ZNF829: variants seen among roughly 807,000 people sequenced by gnomAD.
ZNF829 encodes zinc finger protein 829.
In ZNF829, 25 loss-of-function variants were observed where a neutral mutation model predicts 35.2. The observed-to-expected ratio is 0.71, with a 90% CI of 0.52 to 0.99. The LOEUF (loss-of-function observed/expected upper bound fraction) is 0.99, where lower values mean the gene tolerates loss of function less well. Among genes scored for constraint, ZNF829 ranks in the 50% least tolerant of loss-of-function variants. The pLI, the probability that ZNF829 is intolerant of heterozygous loss-of-function variation, is 0.00. For missense variants in ZNF829, 417 were observed against 515.3 expected, an observed-to-expected ratio of 0.81 and a Z score of 1.85; for synonymous variants, 136 against 163.2, an observed-to-expected ratio of 0.83 and a Z score of 1.27.
At chr19:36,894,597 TATC>T (rs1356383540) in intron 5 of ZNF829, among the ~76,000 whole-genome samples, 1 of 151,834 alleles carries the variant, frequency 6.6e-6, no homozygotes, top group African/African-American at 2.4e-5. Context: ...AGCAGATAGA[TATC>T]ATGAAAAAGA....
intron 5 of ZNF829, among the ~76,000 whole-genome samples, chr19:36,898,312 G>A (rs1444609493): frequency 6.6e-6 from 1 of 152,010 alleles, no homozygotes; most frequent in Non-Finnish European, 1.5e-5. Flanking sequence ...AAAGACCTCT[G>A]TAAGGAAAAC....
intron 5 of ZNF829, among the ~76,000 whole-genome samples, chr19:36,902,879 T>C (rs1252692416): frequency 6.6e-6 from 1 of 151,764 alleles, no homozygotes; most frequent in African/African-American, 2.4e-5. Context: ...CTACTAAAAA[T>C]ACAAAAATTA....
At position 36,916,211 on chromosome 19, in the gene ZNF829, C is replaced by T. The variant is rs562516479; in HGVS notation, c.-285G>A. The T allele has an allele frequency of 3.2e-5, 14 of 444,308 alleles. No individual in the cohort carries two copies. Among genetic ancestry groups the T allele is most frequent in the Non-Finnish European group, 5.2e-5 (13 of 248,946 alleles). The allele number at this position is 444,308 out of a possible 1,614,324, so 27.5% of individuals were successfully genotyped here. A position where few individuals can be genotyped will look rare whatever the true frequency, so the allele number is the denominator to read the frequency against. On this transcript the variant is annotated 5_prime_UTR_variant, in exon 1 of 6. Transcript: ENST00000391711. The surrounding 1 kb of genome is among the most constrained non-coding windows in gnomAD (Gnocchi z 5.3). ...GCCGAGCCTCGGAGTTGCGGGTCGC[C>T]GTAGCGCTGCGCAATGGAGATGAGC...
intron 3 of ZNF829, among the ~76,000 whole-genome samples, chr19:36,909,940 A>C (rs75621903): frequency 0.017 from 2,620 of 152,240 alleles, 40 homozygotes; most frequent in Middle Eastern, 0.051. Context: ...AATATGTATC[A>C]AAAAATAGCA....
At chr19:36,909,667 C>T (rs554637690) in intron 3 of ZNF829, among the ~76,000 whole-genome samples, 161 of 151,978 alleles carry the variant, frequency 1.1e-3, no homozygotes, top group African/African-American at 3.6e-3. Flanking sequence ...ATTAGCTGGG[C>T]GTGGTGGTGC....
At position 36,892,317 on chromosome 19, in the gene ZNF829, AC is replaced by A. The variant is rs751504630; in HGVS notation, c.473del (p.Cys158LeufsTer130). The A allele has an allele frequency of 6.2e-7, 1 of 1,613,846 alleles. No individual in the cohort carries two copies. ...GATTAAAGGTCTTTCCACATATCTT[AC>A]ATTCCCATGGTTTCTCTTCACTCAT... ...KTMSEEKPWE[C>X]KICGKTFNQN... On this transcript the variant is annotated frameshift_variant, in exon 6 of 6. Transcript: ENST00000391711. LOFTEE classifies it high-confidence loss of function.
intron 5 of ZNF829, among the ~76,000 whole-genome samples, chr19:36,893,842 T>A (rs899594725): frequency 1.3e-5 from 2 of 152,172 alleles, no homozygotes; most frequent in Admixed American, 1.3e-4. Context: ...CAGTATGTTC[T>A]AGCACCCTCT....
At chr19:36,907,684 A>G in intron 5 of ZNF829, 1 of 351,780 alleles carries the variant, frequency 2.8e-6, no homozygotes, top group Non-Finnish European at 5.2e-6. Flanking sequence ...GTCTACTGTT[A>G]TACAAATCTA....
At chr19:36,896,851 A>G (rs2073118328) in intron 5 of ZNF829, among the ~76,000 whole-genome samples, 1 of 152,238 alleles carries the variant, frequency 6.6e-6, no homozygotes, top group Non-Finnish European at 1.5e-5. Flanking sequence ...GGAAATTTAA[A>G]CAATGTGCTT....
At chr19:36,911,922 T>C (rs117004783) in intron 3 of ZNF829, among the ~76,000 whole-genome samples, 53 of 152,254 alleles carry the variant, frequency 3.5e-4, no homozygotes, top group Non-Finnish European at 6.9e-4. Context: ...GGAAATGCAA[T>C]TAGAGGTTTC....
chr19:36,908,132 G>T, intron 4 of ZNF829, 108 bp from the exon 5 acceptor site: 2 of 1,189,970 alleles, frequency 1.7e-6, no homozygotes, highest in Non-Finnish European at 2.4e-6. Context: ...AAGGACCGGA[G>T]AAAGATGGAG....
intron 5 of ZNF829, among the ~76,000 whole-genome samples, chr19:36,904,448 G>A (rs1272083819): frequency 6.6e-6 from 1 of 152,134 alleles, no homozygotes; most frequent in Non-Finnish European, 1.5e-5. Flanking sequence ...TGCCCAGGCT[G>A]GAGTGCAGTT....
intron 5 of ZNF829, among the ~76,000 whole-genome samples, chr19:36,900,145 A>AACACACACACACACAC (rs56218050): frequency 8.3e-6 from 1 of 120,500 alleles, no homozygotes; most frequent in African/African-American, 3.3e-5. Context: ...GTCTCTACTA[A>AACACACACACACACAC]ACACACACAC....
intron 5 of ZNF829, among the ~76,000 whole-genome samples, chr19:36,893,964 CA>C (rs572748292): frequency 1.2e-3 from 188 of 152,310 alleles, no homozygotes; most frequent in African/African-American, 4.5e-3. Context: ...CCTACCTCTA[CA>C]ACCTTGTGTT....
chr19:36,891,404 T>C lies in ZNF829; in HGVS notation c.*88A>G, dbSNP rs2073049997. 2 of 1,333,686 alleles carry C rather than the reference T, an allele frequency of 1.5e-6. No homozygotes were observed. The highest frequency in any genetic ancestry group is 2.0e-6 in the Non-Finnish European group (2 of 997,348). The allele number at this position is 1,333,686 out of a possible 1,614,324, so 82.6% of individuals were successfully genotyped here. A position where few individuals can be genotyped will look rare whatever the true frequency, so the allele number is the denominator to read the frequency against. On this transcript the variant is annotated 3_prime_UTR_variant, in exon 6 of 6. Transcript: ENST00000391711. ...TAAAAACGAATACATAGGAGAACCT[T>C]TGATAATATGTATCCTAATTTGTTC...
chr19:36,893,035 C>G (rs1403713562), intron 5 of ZNF829: 1 of 402,884 alleles, frequency 2.5e-6, no homozygotes, highest in East Asian at 3.6e-5. Context: ...CTCACATGCA[C>G]AGAGTATGAT....
chr19:36,909,534 C>G (rs959686681), intron 3 of ZNF829, among the ~76,000 whole-genome samples: 4 of 152,118 alleles, frequency 2.6e-5, no homozygotes, highest in African/African-American at 9.7e-5. Context: ...ATGAGCCGAG[C>G]ATGGTGGCTC....
chr19:36,914,303 T>C (rs2073287339), intron 3 of ZNF829, among the ~76,000 whole-genome samples: 1 of 152,078 alleles, frequency 6.6e-6, no homozygotes, highest in Non-Finnish European at 1.5e-5. Flanking sequence ...ATAGTCCAAA[T>C]AGTAGGAAAA....
intron 4 of ZNF829, 29 bp downstream of exon 4, chr19:36,908,304 T>A (rs753456596): frequency 5.0e-6 from 8 of 1,597,140 alleles, no homozygotes; most frequent in Non-Finnish European, 8.5e-7. Flanking sequence ...AAGGGCACAC[T>A]CTGAATTTTG....
Sources: gnomAD v4.1 joint callset for allele counts (sites outside exome capture counted in the v4.1 genomes callset) on GRCh38, gnomAD v4.1.1 for gene constraint, Gnocchi (gnomAD v3.1) non-coding constraint, MANE v1.5 for transcripts, NCBI Gene and HGNC (gene_info 2026-07-23, HGNC 2026-07-21) for gene names.